Variants in SPMIP5 observed in about 807,000 individuals in gnomAD.
The protein encoded by SPMIP5 is sperm microtubule inner protein 5.
chr10:116,665,635 T>G, the SPMIP5 span: 106 of 1,613,824 alleles, frequency 6.6e-5, no homozygotes, highest in Admixed American at 8.3e-5. Flanking sequence ...TACTGCAGAT[T>G]GTACTGGTGC....
chr10:116,662,757 A>C, the SPMIP5 span, among the ~76,000 whole-genome samples: 1 of 152,162 alleles, frequency 6.6e-6, no homozygotes, highest in African/African-American at 2.4e-5. Flanking sequence ...CAAAAAAAAC[A>C]TGAAAGTCCT....
the SPMIP5 span, among the ~76,000 whole-genome samples, chr10:116,668,488 C>T: frequency 6.6e-6 from 1 of 152,158 alleles, no homozygotes; most frequent in Non-Finnish European, 1.5e-5. Flanking sequence ...ACACAGCTGG[C>T]TTCAGTCACA....
chr10:116,665,643 T>G, the SPMIP5 span: 1 of 1,614,048 alleles, frequency 6.2e-7, no homozygotes, highest in Non-Finnish European at 8.5e-7. Context: ...ATTGTACTGG[T>G]GCAGGGCCTG....
the SPMIP5 span, among the ~76,000 whole-genome samples, chr10:116,669,158 A>G: frequency 1.3e-5 from 2 of 152,240 alleles, no homozygotes; most frequent in East Asian, 3.9e-4. Flanking sequence ...ATTCCCCCCA[A>G]GTGGGCTGAG....
At chr10:116,665,678 A>G in the SPMIP5 span, 2 of 1,614,120 alleles carry the variant, frequency 1.2e-6, no homozygotes, top group Non-Finnish European at 1.7e-6. Flanking sequence ...CGGAGTTGAC[A>G]GGTTTCAGTT....
the SPMIP5 span, among the ~76,000 whole-genome samples, chr10:116,663,412 C>T: frequency 6.6e-6 from 1 of 152,148 alleles, no homozygotes; most frequent in African/African-American, 2.4e-5. Context: ...CTTAAGCCAC[C>T]CAGTTTGTGG....
At chr10:116,668,931 ATG>A in the SPMIP5 span, among the ~76,000 whole-genome samples, 4 of 105,130 alleles carry the variant, frequency 3.8e-5, no homozygotes, top group East Asian at 6.1e-4. Context: ...CGGCACACAC[ATG>A]CACACACACA....
At chr10:116,667,667 T>C in the SPMIP5 span, among the ~76,000 whole-genome samples, 1 of 152,192 alleles carries the variant, frequency 6.6e-6, no homozygotes, top group African/African-American at 2.4e-5. Context: ...TATGACTTAG[T>C]AAGTTCTCAG....
the SPMIP5 span, chr10:116,663,739 C>G: frequency 1.4e-6 from 1 of 731,194 alleles, no homozygotes; most frequent in Non-Finnish European, 2.1e-6. Flanking sequence ...AAAAAACGGT[C>G]TTTATCATTA....
At chr10:116,668,494 T>C in the SPMIP5 span, among the ~76,000 whole-genome samples, 1 of 152,104 alleles carries the variant, frequency 6.6e-6, no homozygotes, top group Non-Finnish European at 1.5e-5. Context: ...CTGGCTTCAG[T>C]CACAAACCAA....
the SPMIP5 span, chr10:116,664,252 T>A: frequency 1.2e-6 from 2 of 1,603,852 alleles, no homozygotes; most frequent in South Asian, 2.2e-5. Flanking sequence ...GAAGTTTTTG[T>A]GGAGCTAACT....
the SPMIP5 span, chr10:116,670,093 C>G: frequency 6.6e-6 from 1 of 152,246 alleles, no homozygotes; most frequent in Non-Finnish European, 1.5e-5. Flanking sequence ...GGAAGGTGGG[C>G]GCTTCCCCCA....
the SPMIP5 span, among the ~76,000 whole-genome samples, chr10:116,666,913 C>T: frequency 6.6e-6 from 1 of 152,224 alleles, no homozygotes; most frequent in Non-Finnish European, 1.5e-5. Flanking sequence ...TGTATGCTGG[C>T]TCCTTTAATC....
chr10:116,669,602 G>A, the SPMIP5 span, among the ~76,000 whole-genome samples: 70 of 152,274 alleles, frequency 4.6e-4, no homozygotes, highest in South Asian at 2.5e-3. Flanking sequence ...CAGCAGAACC[G>A]CATTCTCCTT....
the SPMIP5 span, chr10:116,665,222 CCCCGTCT>C: frequency 1.4e-6 from 1 of 735,428 alleles, no homozygotes. Context: ...CATGGTGAAA[CCCCGTCT>C]CTACTAAAAA....
chr10:116,665,457 C>A, the SPMIP5 span: 1 of 581,274 alleles, frequency 1.7e-6, no homozygotes, highest in Non-Finnish European at 2.9e-6. Context: ...GTGTCTTTCT[C>A]ATTTTAAGAA....
the SPMIP5 span, chr10:116,669,854 A>T: frequency 6.6e-6 from 1 of 152,254 alleles, no homozygotes; most frequent in African/African-American, 2.4e-5. Flanking sequence ...GTGTCCTGAG[A>T]AAGGGGGCTA....
the SPMIP5 span, chr10:116,664,459 G>C: frequency 1.3e-6 from 1 of 749,806 alleles, no homozygotes; most frequent in African/African-American, 1.8e-5. Context: ...AGGCCACTCA[G>C]CACCCTTGGG....
the SPMIP5 span, among the ~76,000 whole-genome samples, chr10:116,662,979 A>G: frequency 6.6e-5 from 10 of 152,004 alleles, no homozygotes; most frequent in African/African-American, 2.4e-4. Context: ...TCAGGAGATC[A>G]AGGCCATCCT....
Sources: allele counts gnomAD v4.1 joint callset (sites outside exome capture counted in the v4.1 genomes callset), GRCh38; gene constraint gnomAD v4.1.1; transcripts MANE v1.5; gene names NCBI Gene and HGNC (gene_info 2026-07-23, HGNC 2026-07-21).